OSTC: variants seen among roughly 807,000 people sequenced by gnomAD.
OSTC encodes oligosaccharyltransferase complex non-catalytic subunit.
In OSTC, 16 loss-of-function variants were observed where a neutral mutation model predicts 16.4. The observed-to-expected ratio is 0.98, with a 90% CI of 0.66 to 1.49. OSTC has a LOEUF of 1.49. Ranked by LOEUF, OSTC falls within the 40% of genes most tolerant of loss-of-function variation. OSTC has a pLI of 0.00. For missense variants in OSTC, 139 were observed against 186.3 expected (o/e 0.75, Z 1.48); for synonymous variants, 67 against 68.5 (o/e 0.98, Z 0.11).
intron 3 of OSTC, chr4:108,663,168 T>C: frequency 2.2e-6 from 1 of 455,466 alleles, no homozygotes; most frequent in Admixed American, 2.4e-5. Context: ...TCAAGTTAGA[T>C]TATGGCCACA....
chr4:108,658,229 G>A (rs777310764), intron 3 of OSTC, among the ~76,000 whole-genome samples: 1 of 152,092 alleles, frequency 6.6e-6, no homozygotes, highest in Non-Finnish European at 1.5e-5. Flanking sequence ...ACGGCGCCCA[G>A]CTGTCACTGT....
chr4:108,654,134 CT>C (rs1405812380), intron 1 of OSTC, among the ~76,000 whole-genome samples: 2 of 152,166 alleles, frequency 1.3e-5, no homozygotes, highest in African/African-American at 4.8e-5. Context: ...GAGAAGTCCC[CT>C]AAGATGAGAA....
At chr4:108,665,805 A>C (rs892756188) in intron 3 of OSTC, among the ~76,000 whole-genome samples, 1 of 151,678 alleles carries the variant, frequency 6.6e-6, no homozygotes, top group Non-Finnish European at 1.5e-5. Flanking sequence ...TGCTCCACCT[A>C]CCTCGGCTTC....
intron 1 of OSTC, among the ~76,000 whole-genome samples, chr4:108,653,830 C>G (rs995196171): frequency 1.3e-5 from 2 of 152,150 alleles, no homozygotes; most frequent in African/African-American, 4.8e-5. Flanking sequence ...TCCAAAGTCT[C>G]TGTTCTTGAG....
At chr4:108,656,187 G>A (rs914913488) in intron 2 of OSTC, among the ~76,000 whole-genome samples, 1 of 152,130 alleles carries the variant, frequency 6.6e-6, no homozygotes, top group African/African-American at 2.4e-5. Context: ...TTTCATCAGT[G>A]AAACCCCGTT....
intron 3 of OSTC, among the ~76,000 whole-genome samples, chr4:108,662,088 T>C (rs1726872415): frequency 6.6e-6 from 1 of 152,200 alleles, no homozygotes; most frequent in African/African-American, 2.4e-5. Context: ...AAGGTCTGCC[T>C]TATTTCAGCT....
intron 1 of OSTC, among the ~76,000 whole-genome samples, chr4:108,653,990 C>T (rs1726628438): frequency 6.6e-6 from 1 of 151,986 alleles, no homozygotes; most frequent in African/African-American, 2.4e-5. Flanking sequence ...TGAGGGCCTC[C>T]AACATTTAGT....
At chr4:108,661,666 C>T (rs1054826531) in intron 3 of OSTC, among the ~76,000 whole-genome samples, 48 of 152,284 alleles carry the variant, frequency 3.2e-4, no homozygotes, top group African/African-American at 1.1e-3. Context: ...GGCGCGGTCT[C>T]GGCTCACTGC....
intron 2 of OSTC, among the ~76,000 whole-genome samples, chr4:108,656,145 A>G (rs574842034): frequency 1.8e-4 from 28 of 152,338 alleles, no homozygotes; most frequent in African/African-American, 6.5e-4. Flanking sequence ...CCATTAAATA[A>G]CAAAAGTATT....
At chr4:108,653,140 G>A (rs368203863) in intron 1 of OSTC, among the ~76,000 whole-genome samples, 6 of 152,144 alleles carry the variant, frequency 3.9e-5, no homozygotes, top group Non-Finnish European at 4.4e-5. Context: ...TGGGAGGATC[G>A]CCTGAGCCTG....
intron 3 of OSTC, among the ~76,000 whole-genome samples, chr4:108,659,736 T>C (rs993749911): frequency 1.5e-4 from 23 of 151,950 alleles, no homozygotes. Flanking sequence ...GCCACTGCAC[T>C]CCAGCCTGGG....
chr4:108,656,756 A>G (rs1381046716), intron 2 of OSTC, among the ~76,000 whole-genome samples: 1 of 152,216 alleles, frequency 6.6e-6, no homozygotes, highest in African/African-American at 2.4e-5. Flanking sequence ...AACCAATTCA[A>G]AATTAGTTTG....
intron 2 of OSTC, among the ~76,000 whole-genome samples, chr4:108,657,046 G>A (rs572084687): frequency 3.3e-5 from 5 of 149,734 alleles, no homozygotes; most frequent in Non-Finnish European, 5.9e-5. Context: ...CAGCCTGGGC[G>A]ACAGCAAGAC....
intron 1 of OSTC, among the ~76,000 whole-genome samples, chr4:108,653,247 A>G (rs531274349): frequency 3.3e-5 from 5 of 152,316 alleles, no homozygotes; most frequent in African/African-American, 4.8e-5. Context: ...AAAAACAAAC[A>G]AACAATGGTT....
chr4:108,659,121 G>GCCTCAGCCTCCCAA (rs367743650), intron 3 of OSTC, among the ~76,000 whole-genome samples: 4 of 151,600 alleles, frequency 2.6e-5, no homozygotes, highest in Non-Finnish European at 4.4e-5. Flanking sequence ...TGGGATTACA[G>GCCTCAGCCTCCCAA]GCGCCCGCCA....
chr4:108,651,687 A>T (rs1578335816), intron 1 of OSTC, among the ~76,000 whole-genome samples: 1 of 147,528 alleles, frequency 6.8e-6, no homozygotes, highest in African/African-American at 2.7e-5. Context: ...AAATTATAAA[A>T]TTAATTTAGA....
At chr4:108,661,217 C>CAAAAAAAAAAA (rs34609606) in intron 3 of OSTC, among the ~76,000 whole-genome samples, 1 of 103,300 alleles carries the variant, frequency 9.7e-6, no homozygotes, top group African/African-American at 3.9e-5. Context: ...GACTCCATCT[C>CAAAAAAAAAAA]AAAAAAAAAA....
intron 3 of OSTC, among the ~76,000 whole-genome samples, chr4:108,662,725 ATGTTTG>A (rs1190482518): frequency 6.6e-6 from 1 of 152,124 alleles, no homozygotes; most frequent in East Asian, 1.9e-4. Flanking sequence ...ATACTTTCAG[ATGTTTG>A]AGAATCTCTT....
At chr4:108,664,685 C>G (rs564264149) in intron 3 of OSTC, among the ~76,000 whole-genome samples, 3 of 151,840 alleles carry the variant, frequency 2.0e-5, no homozygotes, top group Non-Finnish European at 4.4e-5. Flanking sequence ...TCTCCGCCTC[C>G]CAGGTTCAAG....
Sources: allele counts gnomAD v4.1 joint callset (sites outside exome capture counted in the v4.1 genomes callset), GRCh38; gene constraint gnomAD v4.1.1; transcripts MANE v1.5; gene names NCBI Gene and HGNC (gene_info 2026-07-23, HGNC 2026-07-21).